BAAT: variants seen among roughly 807,000 people sequenced by gnomAD.
The protein encoded by BAAT is bile acid CoA: amino acid N-acyltransferase (glycine N-choloyltransferase).
Under a neutral mutation model 18.9 loss-of-function variants are expected in BAAT, and 13 were observed. That is an observed-to-expected ratio of 0.69 (90% CI 0.45 to 1.10). The LOEUF (loss-of-function observed/expected upper bound fraction) is 1.10, where lower values mean the gene tolerates loss of function less well. Ranked by LOEUF, BAAT falls within the 50% of genes least tolerant of loss-of-function variation. The pLI is 0.00. For missense variants in BAAT, 489 were observed against 504.0 expected (o/e 0.97, Z 0.28); for synonymous variants, 170 against 190.7 (o/e 0.89, Z 0.89).
Position 101,368,133 on chromosome 9 carries a change from A to G in BAAT, c.656T>C (p.Leu219Pro). ...GACAAAAATTACCTTTGGATGTCTC[A>G]GGAGAAAGTTGGCAGCCTCCTCAAA... Reference protein sequence around the residue: ...EYFEEAANFLLRHPKVFGSGV... With the variant: ...EYFEEAANFLPRHPKVFGSGV... The change falls in exon 3 of 4, where the codon CTG (leucine) becomes CCG (proline). Residue 219 changes from leucine (L) to proline (P), a missense_variant. Transcript: ENST00000259407. The G allele has an allele frequency of 1.7e-5, 28 of 1,613,864 alleles. No homozygotes were observed. Among genetic ancestry groups the G allele is most frequent in the Non-Finnish European group, 2.4e-5 (28 of 1,179,776 alleles).
chr9:101,378,268 C>A (rs1056439851), intron 1 of BAAT, among the ~76,000 whole-genome samples: 3 of 152,122 alleles, frequency 2.0e-5, no homozygotes, highest in Non-Finnish European at 4.4e-5. Context: ...CCCATATAGT[C>A]AAGACAATCC....
chr9:101,371,320 T>A lies in BAAT; in HGVS notation c.85A>T (p.Met29Leu). Residue 29 changes from methionine (M) to leucine (L), a missense_variant, in exon 2 of 4, where the codon ATG (methionine) becomes TTG (leucine). Transcript: ENST00000259407. ...IRATGLIPFQMVSFQASLEDE... is the reference protein window; with the variant it reads ...IRATGLIPFQLVSFQASLEDE... ...TCCAGTGATGCCTGAAAACTCACCA[T>A]CTGAAAGGGAATCAGGCCTGTAGCT... The A allele has an allele frequency of 6.2e-7, 1 of 1,613,970 alleles. No homozygotes were observed. The highest frequency in any genetic ancestry group is 8.5e-7 in the Non-Finnish European group (1 of 1,179,954).
chr9:101,379,763 C>T (rs1461139542), intron 1 of BAAT, among the ~76,000 whole-genome samples: 1 of 152,074 alleles, frequency 6.6e-6, no homozygotes, highest in Non-Finnish European at 1.5e-5. Flanking sequence ...TTTTAATTTT[C>T]TTCATGTTGT....
At position 101,361,371 on chromosome 9, in the gene BAAT, T is replaced by C. The variant is rs1231456865; in HGVS notation, c.*1057A>G. ...GGTAGTTATGTTGCTATGAGGACTA[T>C]ATGATCAAAGCCTTATAGCAAAAAA... On this transcript the variant is annotated 3_prime_UTR_variant, in exon 4 of 4. Transcript: ENST00000259407. The C allele has an allele frequency of 6.6e-6, 1 of 152,650 alleles. No individual in the cohort carries two copies. The allele number at this position is 152,650 out of a possible 1,614,324, so 9.5% of individuals were successfully genotyped here. A position where few individuals can be genotyped will look rare whatever the true frequency, so the allele number is the denominator to read the frequency against.
At position 101,361,597 on chromosome 9, in the gene BAAT, T is replaced by A. The variant is rs1829725244; in HGVS notation, c.*831A>T. The A allele has an allele frequency of 6.5e-6, 1 of 152,798 alleles. No homozygotes were observed. The highest frequency in any genetic ancestry group is 1.9e-4 in the East Asian group (1 of 5,194). The allele number at this position is 152,798 out of a possible 1,614,324, so 9.5% of individuals were successfully genotyped here. ...TGCTACTCTAACATGACTGAAGAAATTCATTATGGAAGTACAGTGATAGTT... is the reference window on the plus strand; with the variant it reads ...TGCTACTCTAACATGACTGAAGAAAATCATTATGGAAGTACAGTGATAGTT... On this transcript the variant is annotated 3_prime_UTR_variant, in exon 4 of 4. Coordinates refer to ENST00000259407, the MANE Select transcript of BAAT (RefSeq NM_001701.4).
intron 2 of BAAT, among the ~76,000 whole-genome samples, chr9:101,370,478 C>T (rs1829916620): frequency 6.6e-6 from 1 of 151,910 alleles, no homozygotes; most frequent in South Asian, 2.1e-4. Context: ...CCACACCCAG[C>T]TAATTTTTTA....
At chr9:101,384,812 T>G (rs1830179842) in intron 1 of BAAT, among the ~76,000 whole-genome samples, 43 bp downstream of exon 1, 1 of 152,102 alleles carries the variant, frequency 6.6e-6, no homozygotes, top group African/African-American at 2.4e-5. Context: ...GGTGAAAAAT[T>G]ACATTAAAAG....
intron 1 of BAAT, chr9:101,376,667 C>T (rs1053376220): frequency 1.3e-5 from 2 of 152,278 alleles, no homozygotes; most frequent in Non-Finnish European, 2.9e-5. Flanking sequence ...TGCCACCTCC[C>T]ACTCACGCAC....
At chr9:101,382,799 C>T (rs139727302) in intron 1 of BAAT, among the ~76,000 whole-genome samples, 13 of 152,330 alleles carry the variant, frequency 8.5e-5, no homozygotes, top group Admixed American at 2.6e-4. Flanking sequence ...ATACAAATAT[C>T]ACATGCATCA....
At chr9:101,372,869 G>T (rs1259666500) in intron 1 of BAAT, among the ~76,000 whole-genome samples, 1 of 152,138 alleles carries the variant, frequency 6.6e-6, no homozygotes, top group Non-Finnish European at 1.5e-5. Context: ...GTGTGGATTG[G>T]TTTGATAAAC....
chr9:101,363,487 G>A (rs1829772109), intron 3 of BAAT, among the ~76,000 whole-genome samples: 1 of 152,140 alleles, frequency 6.6e-6, no homozygotes, highest in African/African-American at 2.4e-5. Context: ...GGAGAAAAAT[G>A]TCATAAAGGA....
At chr9:101,368,084 C>G (rs1306837504) in intron 3 of BAAT, 36 bp downstream of exon 3, 6 of 1,586,194 alleles carry the variant, frequency 3.8e-6, no homozygotes, top group Non-Finnish European at 5.2e-6. Flanking sequence ...CAAAAAAACC[C>G]CAGGGACTCA....
Position 101,384,950 on chromosome 9 carries a change from G to T in BAAT, c.-155C>A, listed in dbSNP as rs1371638706. On this transcript the variant is annotated 5_prime_UTR_variant, in exon 1 of 4. Transcript: ENST00000259407. ...AATAAAGAGAAAGAGTACAAAGAGAGGAATTTACAGCTGGGCCTCCGGGGG... is the reference window on the plus strand; with the variant it reads ...AATAAAGAGAAAGAGTACAAAGAGATGAATTTACAGCTGGGCCTCCGGGGG... 6.6e-6 allele frequency among the ~76,000 whole-genome samples: 1 copy of T among 152,082 alleles called. No individual in the cohort carries two copies.
At position 101,362,083 on chromosome 9, in the gene BAAT, G is replaced by A. The variant is rs1564052961; in HGVS notation, c.*345C>T. 2.9e-6 allele frequency: 1 copy of A among 348,414 alleles called. No homozygotes were observed. Among genetic ancestry groups the A allele is most frequent in the Non-Finnish European group, 5.3e-6 (1 of 189,166 alleles). The allele number at this position is 348,414 out of a possible 1,614,324, so 21.6% of individuals were successfully genotyped here. A position where few individuals can be genotyped will look rare whatever the true frequency, so the allele number is the denominator to read the frequency against. ...TTACTATATAGTGTTTTCTGACATG[G>A]TATTTGGTTTTATATCTGTTACTTT... On this transcript the variant is annotated 3_prime_UTR_variant, in exon 4 of 4. Transcript: ENST00000259407.
chr9:101,377,163 G>A (rs538793286), intron 1 of BAAT, among the ~76,000 whole-genome samples: 2 of 152,280 alleles, frequency 1.3e-5, no homozygotes, highest in Admixed American at 6.5e-5. Flanking sequence ...ATTAATGAGA[G>A]ATAATAAAAT....
intron 1 of BAAT, chr9:101,375,244 G>A (rs957577695): frequency 2.6e-5 from 4 of 152,914 alleles, no homozygotes; most frequent in African/African-American, 9.7e-5. Flanking sequence ...CTATGATTGT[G>A]AGGCCTCTCC....
chr9:101,366,127 C>T (rs1245037427), intron 3 of BAAT, among the ~76,000 whole-genome samples: 2 of 152,070 alleles, frequency 1.3e-5, no homozygotes, highest in African/African-American at 2.4e-5. Flanking sequence ...CCTTTCTCCC[C>T]CACCCCTCCC....
intron 1 of BAAT, among the ~76,000 whole-genome samples, 97 bp downstream of exon 1, chr9:101,384,758 C>A (rs1440219058): frequency 3.3e-5 from 5 of 151,986 alleles, no homozygotes; most frequent in Admixed American, 3.3e-4. Context: ...TGGAGTAAAT[C>A]TTTAAACAAA....
At chr9:101,369,835 AAT>A (rs1275702754) in intron 2 of BAAT, among the ~76,000 whole-genome samples, 1 of 152,208 alleles carries the variant, frequency 6.6e-6, no homozygotes, top group Admixed American at 6.5e-5. Flanking sequence ...TTGGCCCCAC[AAT>A]AAACTCTGAG....
Sources: gnomAD v4.1 joint callset for allele counts (sites outside exome capture counted in the v4.1 genomes callset) on GRCh38, gnomAD v4.1.1 for gene constraint, MANE v1.5 for transcripts, NCBI Gene and HGNC (gene_info 2026-07-23, HGNC 2026-07-21) for gene names.